The following CTIF variants were observed in gnomAD, a reference collection of about 807,000 sequenced individuals.
CTIF encodes the protein cap binding complex dependent translation initiation factor.
A neutral mutation model predicts 66.0 loss-of-function variants in CTIF; 21 were observed. The observed-to-expected ratio is 0.32, with a 90% CI of 0.23 to 0.46. CTIF has a LOEUF of 0.46. CTIF is among the 20% of genes least tolerant of loss of function. CTIF has a pLI of 1.00. For synonymous variants in CTIF, 345 were observed against 326.4 expected (o/e 1.06, Z -0.62); for missense variants, 739 against 812.7 (o/e 0.91, Z 1.10).
intron 3 of CTIF, among the ~76,000 whole-genome samples, chr18:48,640,749 G>T (rs1433842263): frequency 6.6e-6 from 1 of 152,258 alleles, no homozygotes; most frequent in Non-Finnish European, 1.5e-5. Flanking sequence ...CCAGGGCCCA[G>T]ATGTGGCCCC....
chr18:48,849,539 CATACAT>C (rs2069151927), intron 10 of CTIF, among the ~76,000 whole-genome samples: 2 of 148,066 alleles, frequency 1.4e-5, no homozygotes, highest in Non-Finnish European at 3.0e-5. Context: ...TTAATAAATA[CATACAT>C]ATACATATAA....
chr18:48,756,082 C>T (rs1186958532), intron 7 of CTIF: 1 of 152,170 alleles, frequency 6.6e-6, no homozygotes, highest in Admixed American at 6.5e-5. Flanking sequence ...TCTTTCTAGC[C>T]AGAGGACCAG....
intron 1 of CTIF, among the ~76,000 whole-genome samples, chr18:48,553,643 T>C (rs551695376): frequency 1.3e-5 from 2 of 150,408 alleles, no homozygotes; most frequent in Admixed American, 1.3e-4. Flanking sequence ...GTGACTTTCT[T>C]TTTCTTTTTC....
At chr18:48,651,363 G>C (rs886546334) in intron 3 of CTIF, among the ~76,000 whole-genome samples, 3 of 152,142 alleles carry the variant, frequency 2.0e-5, no homozygotes, top group Non-Finnish European at 4.4e-5. Flanking sequence ...TGATAAAACA[G>C]ACTTTAAACC....
At chr18:48,857,921 C>T (rs944610489) in intron 11 of CTIF, among the ~76,000 whole-genome samples, 5 of 152,260 alleles carry the variant, frequency 3.3e-5, no homozygotes, top group African/African-American at 9.6e-5. Context: ...CCCTGCGCCC[C>T]AGCTCAGGCA....
intron 7 of CTIF, among the ~76,000 whole-genome samples, chr18:48,714,986 G>C (rs1331085337): frequency 6.6e-6 from 1 of 152,216 alleles, no homozygotes; most frequent in Non-Finnish European, 1.5e-5. Context: ...GTGGAGCACA[G>C]GTGTCTGCAG....
chr18:48,779,095 G>C (rs1462082975), intron 9 of CTIF, among the ~76,000 whole-genome samples: 2 of 152,168 alleles, frequency 1.3e-5, no homozygotes, highest in African/African-American at 4.8e-5. Flanking sequence ...TCCTTTGGGT[G>C]GATGAGGCTT....
At chr18:48,659,627 A>C (rs957233139) in intron 3 of CTIF, among the ~76,000 whole-genome samples, 1 of 152,140 alleles carries the variant, frequency 6.6e-6, no homozygotes, top group Non-Finnish European at 1.5e-5. Context: ...GGGGGAGGGA[A>C]TGAGGCAGGA....
intron 1 of CTIF, among the ~76,000 whole-genome samples, chr18:48,612,727 C>T (rs773883193): frequency 7.9e-5 from 12 of 152,182 alleles, no homozygotes; most frequent in Non-Finnish European, 1.3e-4. Context: ...TCTGCTGGGA[C>T]GAGTGGACAG....
At chr18:48,618,853 CTG>C (rs1230520428) in intron 1 of CTIF, among the ~76,000 whole-genome samples, 2 of 152,252 alleles carry the variant, frequency 1.3e-5, no homozygotes, top group Non-Finnish European at 2.9e-5. Context: ...CAGGCAGTGT[CTG>C]TGGCTAGGCC....
At chr18:48,812,108 AC>A (rs1218497227) in intron 9 of CTIF, among the ~76,000 whole-genome samples, 2 of 152,054 alleles carry the variant, frequency 1.3e-5, no homozygotes, top group Non-Finnish European at 2.9e-5. Context: ...GATTACAGGC[AC>A]CCACCACCAC....
At chr18:48,710,150 C>G (rs1474485343) in intron 6 of CTIF, among the ~76,000 whole-genome samples, 1 of 152,224 alleles carries the variant, frequency 6.6e-6, no homozygotes, top group Non-Finnish European at 1.5e-5. Flanking sequence ...CTTTATGGAA[C>G]CTGAATCCCG....
At chr18:48,774,812 G>A (rs1910513815) in intron 9 of CTIF, among the ~76,000 whole-genome samples, 3 of 152,212 alleles carry the variant, frequency 2.0e-5, no homozygotes, top group Non-Finnish European at 2.9e-5. Flanking sequence ...AGCTTAGGAG[G>A]TATTTGGGGA....
At chr18:48,548,064 C>T (rs1347662451) in intron 1 of CTIF, among the ~76,000 whole-genome samples, 3 of 152,130 alleles carry the variant, frequency 2.0e-5, no homozygotes, top group African/African-American at 7.2e-5. Flanking sequence ...CTGTGTGCCT[C>T]GCTAAATGAA....
intron 1 of CTIF, among the ~76,000 whole-genome samples, chr18:48,611,503 A>C (rs1047998353): frequency 6.6e-6 from 1 of 152,246 alleles, no homozygotes; most frequent in Non-Finnish European, 1.5e-5. Context: ...TGGCCAGAGC[A>C]AGAGTATCTG....
In CTIF at chr18:48,734,394, C is replaced by T. The variant is rs554288925; in HGVS notation, c.584+22699C>T. The stretch of plus-strand genomic sequence containing the variant: ...AGGCTTGGCCAACATGGTGAAACCC[C>T]GTCTCTACTAAAAATACAAAAATTA... On this transcript the variant is annotated intron_variant, in intron 7 of 11. Coordinates refer to ENST00000256413, the MANE Select transcript of CTIF (RefSeq NM_014772.3). Among the ~76,000 whole-genome samples, 16 of 152,208 alleles carry T rather than the reference C, an allele frequency of 1.1e-4. No homozygotes were observed. The East Asian group carries it at 1.9e-3, about 18-fold the overall frequency.
intron 1 of CTIF, among the ~76,000 whole-genome samples, chr18:48,589,085 G>C (rs1188028161): frequency 6.6e-6 from 1 of 152,202 alleles, no homozygotes; most frequent in Non-Finnish European, 1.5e-5. Flanking sequence ...CAAATGCTGG[G>C]TCACGTCGTT....
intron 9 of CTIF, among the ~76,000 whole-genome samples, chr18:48,798,667 C>T (rs559894655): frequency 2.6e-5 from 4 of 152,216 alleles, no homozygotes; most frequent in South Asian, 2.1e-4. Flanking sequence ...TCTCTTAATG[C>T]GCTCCCCAGT....
intron 2 of CTIF, among the ~76,000 whole-genome samples, chr18:48,626,225 C>T (rs1260065766): frequency 6.6e-6 from 1 of 152,140 alleles, no homozygotes; most frequent in Non-Finnish European, 1.5e-5. Flanking sequence ...TGGTCTTGAA[C>T]TCCTGACCCA....
Sources: allele counts gnomAD v4.1 joint callset (sites outside exome capture counted in the v4.1 genomes callset), GRCh38; gene constraint gnomAD v4.1.1; transcripts MANE v1.5; gene names NCBI Gene and HGNC (gene_info 2026-07-23, HGNC 2026-07-21).